The following SMURF1 variants were observed in gnomAD, a reference collection of about 807,000 sequenced individuals.
SMURF1 encodes E3 ubiquitin-protein ligase SMURF1.
SMURF1 carries 44 observed loss-of-function variants against 98.0 expected under a neutral mutation model. That is an observed-to-expected ratio of 0.45 (90% CI 0.35 to 0.58). The LOEUF (loss-of-function observed/expected upper bound fraction) is 0.58, where lower values mean the gene tolerates loss of function less well. SMURF1 is among the 20% of genes least tolerant of loss of function. The probability of loss-of-function intolerance (pLI) is 0.00; values close to 1 mark genes in which losing one functional copy is unlikely to be tolerated. For missense variants in SMURF1, 687 were observed against 938.4 expected, an observed-to-expected ratio of 0.73 and a Z score of 3.50; for synonymous variants, 396 against 374.9, an observed-to-expected ratio of 1.06 and a Z score of -0.65.
intron 1 of SMURF1, among the ~76,000 whole-genome samples, chr7:99,094,379 G>A (rs1796896532): frequency 6.6e-6 from 1 of 152,166 alleles, no homozygotes. Context: ...TAACTCCACA[G>A]GTAATTTTAA....
intron 1 of SMURF1, among the ~76,000 whole-genome samples, chr7:99,134,278 T>C (rs1399417428): frequency 6.6e-6 from 1 of 152,124 alleles, no homozygotes; most frequent in Non-Finnish European, 1.5e-5. Flanking sequence ...TTTGATATTA[T>C]ACCAGAGTTT....
chr7:99,060,749 T>TC (rs765266385), intron 2 of SMURF1, 42 bp from the exon 3 acceptor site: 1 of 1,320,478 alleles, frequency 7.6e-7, no homozygotes, highest in South Asian at 1.2e-5. Context: ...AGACCTCACA[T>TC]CCATCCATGT....
At chr7:99,098,091 G>GA (rs889943505) in intron 1 of SMURF1, among the ~76,000 whole-genome samples, 8 of 151,934 alleles carry the variant, frequency 5.3e-5, no homozygotes, top group Non-Finnish European at 1.2e-4. Flanking sequence ...ATAAAACGGA[G>GA]AAAAAAATCC....
intron 1 of SMURF1, among the ~76,000 whole-genome samples, chr7:99,070,691 G>A (rs371057260): frequency 6.6e-6 from 1 of 151,696 alleles, no homozygotes; most frequent in East Asian, 1.9e-4. Context: ...TAGAATGTAA[G>A]CATCAAGAAG....
intron 1 of SMURF1, among the ~76,000 whole-genome samples, chr7:99,098,114 T>G (rs1796995715): frequency 6.6e-6 from 1 of 152,182 alleles, no homozygotes; most frequent in Admixed American, 6.5e-5. Context: ...ATTAGTAAAT[T>G]ATTATAAAGT....
intron 5 of SMURF1, 41 bp from the exon 6 acceptor site, chr7:99,054,906 G>T (rs1169630863): frequency 3.2e-6 from 5 of 1,564,920 alleles, no homozygotes; most frequent in South Asian, 2.2e-5. Flanking sequence ...ACCCAGCGGG[G>T]TTTACATAAT....
chr7:99,030,234 G>A lies in SMURF1; in HGVS notation c.*350C>T, dbSNP rs761284243. 2.7e-5 allele frequency: 6 copies of A among 218,188 alleles called. No individual in the cohort carries two copies. The highest frequency in any genetic ancestry group is 5.5e-5 in the Non-Finnish European group (6 of 108,316). The allele number at this position is 218,188 out of a possible 1,614,324, so 13.5% of individuals were successfully genotyped here. A position where few individuals can be genotyped will look rare whatever the true frequency, so the allele number is the denominator to read the frequency against. ...ATCAGCCACGCCCAGTCCCCTAACT[G>A]TGAGTTGATGCTCCCGTAAAGAGCT... On this transcript the variant is annotated 3_prime_UTR_variant, in exon 18 of 18. Coordinates refer to ENST00000361368, the MANE Select transcript of SMURF1 (RefSeq NM_181349.3).
intron 1 of SMURF1, among the ~76,000 whole-genome samples, chr7:99,098,393 A>G (rs1173835604): frequency 6.6e-6 from 1 of 152,206 alleles, no homozygotes; most frequent in Non-Finnish European, 1.5e-5. Context: ...GAGGGAAAAA[A>G]AATGACTCTA....
At chr7:99,125,644 G>A (rs889191462) in intron 1 of SMURF1, among the ~76,000 whole-genome samples, 3 of 152,104 alleles carry the variant, frequency 2.0e-5, no homozygotes, top group African/African-American at 4.8e-5. Context: ...ACACTTACCC[G>A]TGCACCCTGC....
At chr7:99,136,786 C>T (rs1798002723) in intron 1 of SMURF1, among the ~76,000 whole-genome samples, 1 of 152,106 alleles carries the variant, frequency 6.6e-6, no homozygotes, top group Non-Finnish European at 1.5e-5. Flanking sequence ...CCCATCTCTA[C>T]CAAAACTACA....
intron 1 of SMURF1, among the ~76,000 whole-genome samples, chr7:99,093,280 T>TTC (rs1214528224): frequency 6.6e-6 from 1 of 152,162 alleles, no homozygotes; most frequent in Non-Finnish European, 1.5e-5. Flanking sequence ...AAAAATGAAT[T>TTC]ACAAACTGGT....
chr7:99,111,549 A>C (rs1362554865), intron 1 of SMURF1, among the ~76,000 whole-genome samples: 3 of 152,198 alleles, frequency 2.0e-5, no homozygotes, highest in Non-Finnish European at 4.4e-5. Context: ...CAAGTCTGTC[A>C]CTCTATTAAA....
intron 5 of SMURF1, among the ~76,000 whole-genome samples, chr7:99,056,281 CCTT>C (rs1795874019): frequency 6.6e-6 from 1 of 151,920 alleles, no homozygotes; most frequent in Non-Finnish European, 1.5e-5. Flanking sequence ...TGCAGAGAGA[CCTT>C]TTTTTTTTTA....
chr7:99,071,461 C>T (rs1189289632), intron 1 of SMURF1, among the ~76,000 whole-genome samples: 1 of 152,190 alleles, frequency 6.6e-6, no homozygotes, highest in African/African-American at 2.4e-5. Context: ...TACACCATCA[C>T]ATTCCAAGAA....
rs1258341775 is a variant in SMURF1, at chr7:99,045,720, A to G, written c.1234T>C (p.Leu412=). ...LMVKFRGEEG[L]DYGGVAREWL... ...CACCTGGCCACACCACCGTAATCCA[A>G]ACCTTCTTCCCCACGGAATTTCACC... The change falls in exon 11 of 18, where the codon TTG becomes CTG. Residue 412 remains leucine, a synonymous_variant. Transcript: ENST00000361368. The G allele has an allele frequency of 6.2e-7, 1 of 1,614,134 alleles. No homozygotes were observed.
At chr7:99,046,559 C>G (rs1795583660) in intron 10 of SMURF1, among the ~76,000 whole-genome samples, 1 of 151,824 alleles carries the variant, frequency 6.6e-6, no homozygotes, top group African/African-American at 2.4e-5. Flanking sequence ...GAAACCCCCC[C>G]ATCTCTACTA....
At chr7:99,041,015 G>C (rs1327515773) in intron 12 of SMURF1, among the ~76,000 whole-genome samples, 1 of 152,110 alleles carries the variant, frequency 6.6e-6, no homozygotes, top group Admixed American at 6.5e-5. Context: ...GATCCAGAAC[G>C]AAAGGAAGAG....
In SMURF1 at chr7:99,047,925, CA is replaced by C. The variant is rs1028848293; in HGVS notation, c.954-44del. ...CAGAAAGTCACTCCGAAGCCCCGGC[CA>C]GGGGAGCTGCAAGCACCCACGTACG... On this transcript the variant is annotated intron_variant, in intron 9 of 17. Coordinates refer to ENST00000361368, the MANE Select transcript of SMURF1 (RefSeq NM_181349.3). 1.9e-6 allele frequency: 3 copies of C among 1,598,084 alleles called. No homozygotes were observed. In the African/African-American group the frequency reaches 4.0e-5, roughly 21 times the overall value.
intron 5 of SMURF1, 30 bp downstream of exon 5, chr7:99,057,175 A>G (rs1269972993): frequency 1.2e-6 from 2 of 1,611,776 alleles, no homozygotes; most frequent in Non-Finnish European, 1.7e-6. Context: ...CTGGAAAAGC[A>G]TCTCTTTACA....
Sources: gnomAD v4.1 joint callset for allele counts (sites outside exome capture counted in the v4.1 genomes callset) on GRCh38, gnomAD v4.1.1 for gene constraint, MANE v1.5 for transcripts, NCBI Gene and HGNC (gene_info 2026-07-23, HGNC 2026-07-21) for gene names.